Variants in HCN1 observed in about 807,000 individuals in gnomAD.
HCN1 encodes the protein hyperpolarization activated cyclic nucleotide gated potassium channel 1.
In HCN1, 13 loss-of-function variants were observed where a neutral mutation model predicts 78.9. The ratio of observed to expected loss-of-function variants is 0.16; its 90% CI spans 0.11 to 0.26. The LOEUF (loss-of-function observed/expected upper bound fraction) is 0.26. HCN1 is among the 10% of genes least tolerant of loss of function. The probability of loss-of-function intolerance (pLI) is 1.00; values close to 1 mark genes in which losing one functional copy is unlikely to be tolerated. For missense variants in HCN1, 810 were observed against 1,154.3 expected (o/e 0.70, Z 4.32); for synonymous variants, 552 against 455.5 (o/e 1.21, Z -2.70).
chr5:45,527,972 AG>A (rs1254499621), intron 2 of HCN1, among the ~76,000 whole-genome samples: 1 of 151,130 alleles, frequency 6.6e-6, no homozygotes, highest in Non-Finnish European at 1.5e-5. Flanking sequence ...CTATAGTCCT[AG>A]GGGAAAAATA....
chr5:45,505,202 C>A (rs1422212130), intron 2 of HCN1, among the ~76,000 whole-genome samples: 5 of 152,128 alleles, frequency 3.3e-5, no homozygotes, highest in Non-Finnish European at 5.9e-5. Context: ...ATGGTATTGC[C>A]TAGGTTTTCT....
intron 6 of HCN1, among the ~76,000 whole-genome samples, chr5:45,290,644 G>C (rs1157176085): frequency 6.6e-6 from 1 of 151,992 alleles, no homozygotes; most frequent in Non-Finnish European, 1.5e-5. Flanking sequence ...TTCAATTAAA[G>C]GTGGCTCCAA....
chr5:45,692,193 A>C (rs1298738418), intron 1 of HCN1, among the ~76,000 whole-genome samples: 2 of 152,230 alleles, frequency 1.3e-5, no homozygotes, highest in Non-Finnish European at 2.9e-5. Flanking sequence ...AAGTATTCTA[A>C]ATATTCTTTC....
At chr5:45,363,948 T>A (rs1332263139) in intron 4 of HCN1, among the ~76,000 whole-genome samples, 1 of 152,056 alleles carries the variant, frequency 6.6e-6, no homozygotes, top group African/African-American at 2.4e-5. Context: ...GTCTTACTAC[T>A]CCTGTTTCCT....
chr5:45,389,360 G>T (rs1747993476), intron 4 of HCN1, among the ~76,000 whole-genome samples: 1 of 151,926 alleles, frequency 6.6e-6, no homozygotes, highest in African/African-American at 2.4e-5. Flanking sequence ...TATTCCATAT[G>T]AATCAAGTAA....
chr5:45,479,044 C>T (rs943063388), intron 2 of HCN1, among the ~76,000 whole-genome samples: 1 of 151,632 alleles, frequency 6.6e-6, no homozygotes, highest in South Asian at 2.1e-4. Context: ...TCTCTTGAAC[C>T]TGGACCCAGG....
chr5:45,465,900 T>C (rs1296841271), intron 2 of HCN1, among the ~76,000 whole-genome samples: 1 of 152,206 alleles, frequency 6.6e-6, no homozygotes. Flanking sequence ...AAGAAAGATC[T>C]GGTCACAAAT....
chr5:45,440,663 C>T (rs1291718168), intron 3 of HCN1, among the ~76,000 whole-genome samples: 6 of 152,194 alleles, frequency 3.9e-5, no homozygotes, highest in Non-Finnish European at 7.3e-5. Flanking sequence ...GCATTTATTG[C>T]TCACTGCCAA....
At chr5:45,468,726 G>C (rs1355746636) in intron 2 of HCN1, among the ~76,000 whole-genome samples, 3 of 151,948 alleles carry the variant, frequency 2.0e-5, no homozygotes, top group Non-Finnish European at 4.4e-5. Flanking sequence ...TCAACAAATG[G>C]GAAACTTAAG....
intron 3 of HCN1, among the ~76,000 whole-genome samples, chr5:45,452,004 C>T (rs937466511): frequency 7.2e-5 from 11 of 151,832 alleles, no homozygotes; most frequent in Non-Finnish European, 1.5e-4. Flanking sequence ...TAATTAGAGA[C>T]CATTTTAATT....
At chr5:45,535,669 A>C (rs1386634558) in intron 2 of HCN1, among the ~76,000 whole-genome samples, 1 of 152,148 alleles carries the variant, frequency 6.6e-6, no homozygotes, top group Non-Finnish European at 1.5e-5. Context: ...AAGCAAATAT[A>C]ACTCAATAAG....
intron 5 of HCN1, among the ~76,000 whole-genome samples, chr5:45,326,365 T>C (rs1226857976): frequency 6.6e-6 from 1 of 151,714 alleles, no homozygotes; most frequent in Non-Finnish European, 1.5e-5. Flanking sequence ...GTATATTCAA[T>C]ATTTGTTTCC....
intron 2 of HCN1, among the ~76,000 whole-genome samples, chr5:45,632,389 C>A (rs934538827): frequency 1.3e-4 from 20 of 151,862 alleles, no homozygotes; most frequent in Non-Finnish European, 2.7e-4. Flanking sequence ...AAACTGTTAG[C>A]AAATCTTCTG....
chr5:45,274,341 T>C (rs1283171331), intron 6 of HCN1, among the ~76,000 whole-genome samples: 1 of 152,146 alleles, frequency 6.6e-6, no homozygotes, highest in Non-Finnish European at 1.5e-5. Context: ...CCAAGTTCAA[T>C]CAAATCATCT....
rs570525287 is a variant in HCN1, at chr5:45,415,289, T to TG, written c.1012-18580_1012-18579insC. 2.4e-4 allele frequency among the ~76,000 whole-genome samples: 36 copies of TG among 152,140 alleles called. No individual in the cohort carries two copies. The East Asian group carries it at 5.4e-3, about 23-fold the overall frequency. ...TTTGCCATCTCAGTTTAACTCCCTT[T>TG]CAGTCCATTCTTCAAAGCATCTAGT... On this transcript the variant is annotated intron_variant, in intron 3 of 7. Transcript: ENST00000303230.
chr5:45,584,150 T>G (rs947933256), intron 2 of HCN1, among the ~76,000 whole-genome samples: 1 of 152,154 alleles, frequency 6.6e-6, no homozygotes, highest in East Asian at 1.9e-4. Context: ...CCCATTATTA[T>G]TGTGTGGGAG....
At chr5:45,618,462 G>A (rs1744997005) in intron 2 of HCN1, among the ~76,000 whole-genome samples, 1 of 152,046 alleles carries the variant, frequency 6.6e-6, no homozygotes, top group South Asian at 2.1e-4. Context: ...GTAAACAATG[G>A]GAAGTCATTT....
At chr5:45,510,326 A>ATGTGC (rs1420314048) in intron 2 of HCN1, among the ~76,000 whole-genome samples, 2 of 152,094 alleles carry the variant, frequency 1.3e-5, no homozygotes, top group East Asian at 3.9e-4. Flanking sequence ...AGAAACATGA[A>ATGTGC]TGTGCGTATG....
At chr5:45,595,341 C>T (rs950617273) in intron 2 of HCN1, among the ~76,000 whole-genome samples, 4 of 152,034 alleles carry the variant, frequency 2.6e-5, no homozygotes, top group Non-Finnish European at 4.4e-5. Context: ...CTCAAACACC[C>T]TGTTTATTTA....
Sources: allele counts gnomAD v4.1 joint callset (sites outside exome capture counted in the v4.1 genomes callset), GRCh38; gene constraint gnomAD v4.1.1; transcripts MANE v1.5; gene names NCBI Gene and HGNC (gene_info 2026-07-23, HGNC 2026-07-21).